The following ITGAE variants were observed in gnomAD, a reference collection of about 807,000 sequenced individuals.
ITGAE encodes integrin alpha-E.
Under a neutral mutation model 136.5 loss-of-function variants are expected in ITGAE, and 99 were observed. That is an observed-to-expected ratio of 0.73 (90% confidence interval 0.62 to 0.86). The LOEUF (loss-of-function observed/expected upper bound fraction) is 0.86, where lower values mean the gene tolerates loss of function less well. ITGAE is among the 40% of genes least tolerant of loss of function. The pLI, the probability that ITGAE is intolerant of heterozygous loss-of-function variation, is 0.00. For missense variants in ITGAE, 1,447 were observed against 1,515.3 expected (o/e 0.95, Z 0.75); for synonymous variants, 613 against 591.8 (o/e 1.04, Z -0.52).
chr17:3,724,591 G>A, intron 26 of ITGAE: 1 of 1,614,158 alleles, frequency 6.2e-7, no homozygotes, highest in Non-Finnish European at 8.5e-7. Context: ...TCTCTCCCCT[G>A]CTCCCAGGAG....
intron 2 of ITGAE, among the ~76,000 whole-genome samples, chr17:3,771,005 A>G (rs1033831989): frequency 1.3e-5 from 2 of 151,924 alleles, no homozygotes; most frequent in African/African-American, 4.8e-5. Flanking sequence ...TGCAGAACCA[A>G]TTGCATAACT....
intron 19 of ITGAE, among the ~76,000 whole-genome samples, chr17:3,741,197 A>T (rs2737137): frequency 6.1e-5 from 9 of 147,158 alleles, no homozygotes; most frequent in African/African-American, 2.2e-4. Flanking sequence ...CCTGCCTCAG[A>T]CTCCCGAGTA....
intron 20 of ITGAE, among the ~76,000 whole-genome samples, chr17:3,738,016 C>T (rs1446410406): frequency 2.0e-5 from 3 of 152,194 alleles, no homozygotes; most frequent in East Asian, 1.9e-4. Flanking sequence ...ATTTGAAAGT[C>T]TTCAATTGGT....
intron 1 of ITGAE, among the ~76,000 whole-genome samples, chr17:3,781,323 T>A (rs551670927): frequency 6.6e-4 from 101 of 151,984 alleles, no homozygotes; most frequent in Non-Finnish European, 1.2e-3. Context: ...CCTTCTATAT[T>A]TTTTTTCTTC....
intron 1 of ITGAE, among the ~76,000 whole-genome samples, chr17:3,792,967 C>T (rs1715645507): frequency 1.3e-5 from 2 of 152,304 alleles, no homozygotes; most frequent in Non-Finnish European, 2.9e-5. Flanking sequence ...TCCTCCCTGC[C>T]AATGCCCCAA....
Position 3,719,252 on chromosome 17 carries a change from A to AG in ITGAE, c.3333+1054_3333+1055insC, listed in dbSNP as rs1555572870. Among the ~76,000 whole-genome samples the AG allele has an allele frequency of 7.0e-3, 915 of 130,082 alleles. 7 individuals are homozygous for AG. The highest frequency in any genetic ancestry group is 0.015 in the Middle Eastern group (4 of 262). 85.3% of individuals were successfully genotyped at this position (130,082 alleles called of 152,430 possible). A position where few individuals can be genotyped will look rare whatever the true frequency, so the allele number is the denominator to read the frequency against. On this transcript the variant is annotated intron_variant, in intron 29 of 30. Coordinates refer to ENST00000263087, the MANE Select transcript of ITGAE (RefSeq NM_002208.5). ...TTCTTCCTCAAAAAAAAAAAAAAAA[A>AG]AAAAGAAAAGAAAAGAAAAAGAAAT...
At chr17:3,759,136 CA>C (rs35626365) in intron 8 of ITGAE, among the ~76,000 whole-genome samples, 50 of 135,698 alleles carry the variant, frequency 3.7e-4, no homozygotes, top group African/African-American at 1.0e-3. Flanking sequence ...AAAAAAAAAA[CA>C]AAAAAAAAAA....
At chr17:3,788,806 A>ATTATTTAAAAATAATAATTATTAAAATAT (rs2052866912) in intron 1 of ITGAE, among the ~76,000 whole-genome samples, 1 of 136,574 alleles carries the variant, frequency 7.3e-6, no homozygotes, top group Non-Finnish European at 1.6e-5. Flanking sequence ...TATTAAAATA[A>ATTATTTAAAAATAATAATTATTAAAATAT]TTATTTAAAA....
intron 1 of ITGAE, among the ~76,000 whole-genome samples, chr17:3,778,665 G>T (rs185495255): frequency 6.6e-6 from 1 of 152,018 alleles, no homozygotes; most frequent in African/African-American, 2.4e-5. Context: ...AGCAGAATAG[G>T]CTCATGAATT....
chr17:3,715,055 C>A, intron 30 of ITGAE, 113 bp from the exon 31 acceptor site: 1 of 638,870 alleles, frequency 1.6e-6, no homozygotes, highest in Non-Finnish European at 2.8e-6. Flanking sequence ...GCTTCTCATA[C>A]TTACTACTCC....
chr17:3,796,159 GT>G, intron 1 of ITGAE, among the ~76,000 whole-genome samples: 1 of 92,168 alleles, frequency 1.1e-5, no homozygotes, highest in Admixed American at 1.1e-4. Context: ...GTGTGTGTGT[GT>G]GTGTGCATCC....
Position 3,753,938 on chromosome 17 carries a change from T to C in ITGAE, c.1385-13A>G. 1 of 1,613,068 alleles carries C rather than the reference T, an allele frequency of 6.2e-7. No individual in the cohort carries two copies. Among genetic ancestry groups the C allele is most frequent in the Non-Finnish European group, 8.5e-7 (1 of 1,179,528 alleles). ...GCCACAGCGTAACCTGGGGCAAGGG[T>C]GGTGTGGCTGTGAACACACCGTGTG... On this transcript the variant is annotated splice_polypyrimidine_tract_variant and intron_variant, in intron 12 of 30. Transcript: ENST00000263087.
chr17:3,724,217 G>A, intron 26 of ITGAE: 1 of 1,593,602 alleles, frequency 6.3e-7, no homozygotes, highest in Non-Finnish European at 8.5e-7. Context: ...GGCCCAGCCT[G>A]ACCGTGACCC....
chr17:3,715,282 G>A (rs1256932867), intron 30 of ITGAE, among the ~76,000 whole-genome samples: 1 of 152,168 alleles, frequency 6.6e-6, no homozygotes, highest in African/African-American at 2.4e-5. Context: ...TGATGCTGAA[G>A]ACAGAAGGAG....
At chr17:3,747,367 G>T (rs1036559581) in intron 17 of ITGAE, among the ~76,000 whole-genome samples, 1 of 152,006 alleles carries the variant, frequency 6.6e-6, no homozygotes, top group Non-Finnish European at 1.5e-5. Flanking sequence ...ACCCAGCGTG[G>T]AGTGCAGTGG....
chr17:3,760,080 A>G, intron 7 of ITGAE, 92 bp downstream of exon 7: 1 of 780,540 alleles, frequency 1.3e-6, no homozygotes, highest in Non-Finnish European at 2.2e-6. Context: ...TATGTGACCC[A>G]TAGAATTGTG....
At chr17:3,779,366 C>T (rs1432801289) in intron 1 of ITGAE, among the ~76,000 whole-genome samples, 3 of 151,214 alleles carry the variant, frequency 2.0e-5, no homozygotes, top group East Asian at 1.9e-4. Context: ...CTTGCTCTGT[C>T]GCCCAGGCTG....
chr17:3,779,472 C>T (rs916240049), intron 1 of ITGAE, among the ~76,000 whole-genome samples: 2 of 151,854 alleles, frequency 1.3e-5, no homozygotes, highest in South Asian at 2.1e-4. Flanking sequence ...GGATTACAGG[C>T]GCCTGCCACC....
At chr17:3,767,775 A>G (rs1029754954) in intron 2 of ITGAE, among the ~76,000 whole-genome samples, 1 of 151,986 alleles carries the variant, frequency 6.6e-6, no homozygotes, top group Admixed American at 6.6e-5. Flanking sequence ...GGAGCGAGTT[A>G]CCTTGCCCAG....
Sources: gnomAD v4.1 joint callset for allele counts (sites outside exome capture counted in the v4.1 genomes callset) on GRCh38, gnomAD v4.1.1 for gene constraint, MANE v1.5 for transcripts, NCBI Gene and HGNC (gene_info 2026-07-23, HGNC 2026-07-21) for gene names.